Variants in USP9X observed in about 807,000 individuals in gnomAD.
The protein encoded by USP9X is ubiquitin specific peptidase 9 X-linked, also known as ubiquitin carboxyl-terminal hydrolase 9X.
USP9X carries 7 observed loss-of-function variants against 190.3 expected under a neutral mutation model. That is an observed-to-expected ratio of 0.04 (90% CI 0.02 to 0.07). The LOEUF is 0.07. Ranked by LOEUF, USP9X falls within the 10% of genes least tolerant of loss-of-function variation. The pLI, the probability that USP9X is intolerant of heterozygous loss-of-function variation, is 1.00. For synonymous variants in USP9X, 645 were observed against 659.5 expected (o/e 0.98, Z 0.34); for missense variants, 1,010 against 1,916.9 (o/e 0.53, Z 8.83).
intron 30 of USP9X, among the ~76,000 whole-genome samples, chrX:41,200,271 AC>A (rs2063030454): frequency 9.0e-6 from 1 of 111,294 alleles, no homozygotes; most frequent in African/African-American, 3.3e-5. Flanking sequence ...GGAGTATAGT[AC>A]AACGTTGTTT....
intron 1 of USP9X, among the ~76,000 whole-genome samples, chrX:41,116,224 T>C (rs754616383): frequency 8.9e-6 from 1 of 112,637 alleles, no homozygotes; most frequent in Admixed American, 9.4e-5. Context: ...TAATTTTGTT[T>C]TTATGAAATA....
In USP9X at chrX:41,136,909, C is replaced by T; in HGVS notation, c.541C>T (p.His181Tyr). 8.3e-7 allele frequency: 1 copy of T among 1,211,403 alleles called. No homozygotes were observed. Among genetic ancestry groups the T allele is most frequent in the Non-Finnish European group, 1.1e-6 (1 of 895,112 alleles). The change falls in exon 6 of 45, where the codon CAT (histidine) becomes TAT (tyrosine). Residue 181 changes from histidine to tyrosine, a missense_variant. His to Tyr is a moderately conservative substitution (Grantham distance 83). Around this residue, in one of 11 missense-constraint regions of USP9X, gnomAD observed 176 missense variants for 247.5 expected, o/e 0.71. Transcript: ENST00000378308. ...LELLAMALNP[H>Y]CKFHIYNGTR... ...ACTTCTTGCCATGGCCTTAAATCCT[C>T]ATTGCAAATTCCATATCTACAATGG...
In USP9X at chrX:41,123,730, A is replaced by C. The variant is rs774607347; in HGVS notation, c.96+6A>C. 8 of 1,203,340 alleles carry C rather than the reference A, an allele frequency of 6.6e-6. No individual in the cohort carries two copies. In the South Asian group the frequency reaches 1.2e-4, roughly 19 times the overall value. On this transcript the variant is annotated splice_donor_region_variant and intron_variant, in intron 2 of 44. Coordinates refer to ENST00000378308, the MANE Select transcript of USP9X (RefSeq NM_001039591.3). The stretch of plus-strand genomic sequence containing the variant: ...CCCCCCTCCAACAGAATCAGGTAGG[A>C]TGTTGAAGATACTAGTTAAAGCTAC...
At chrX:41,223,498 C>T (rs1170890469) in intron 39 of USP9X, 96 bp downstream of exon 39, 29 of 930,249 alleles carry the variant, frequency 3.1e-5, no homozygotes, top group Non-Finnish European at 4.3e-5. Context: ...AGTGCAATGG[C>T]GTGATCTCGG....
chrX:41,131,057 G>T (rs900605277), intron 3 of USP9X, among the ~76,000 whole-genome samples: 2 of 110,527 alleles, frequency 1.8e-5, no homozygotes, highest in Non-Finnish European at 3.8e-5. Flanking sequence ...AAAAAAGGGG[G>T]GTGGCGGGGC....
rs1362228367 is a variant in USP9X at position 41,170,169 on chromosome X, C to T, written c.2811C>T (p.Gly937=). The T allele has an allele frequency of 5.0e-6, 6 of 1,209,350 alleles. No individual in the cohort carries two copies. The highest frequency in any genetic ancestry group is 2.3e-4 in the Middle Eastern group (1 of 4,376). ...VAHTKIELFV[G]GELIDPADDR... Reference sequence around the variant, plus strand: ...ATACAAAAATTGAGCTCTTTGTGGGCGGTGAGCTGATAGATCCTGCAGATG... The same window carrying T: ...ATACAAAAATTGAGCTCTTTGTGGGTGGTGAGCTGATAGATCCTGCAGATG... Residue 937 remains glycine, a synonymous_variant, in exon 19 of 45, where the codon GGC becomes GGT. Transcript: ENST00000378308.
chrX:41,222,592 G>A (rs1490962024), intron 38 of USP9X, among the ~76,000 whole-genome samples: 1 of 111,439 alleles, frequency 9.0e-6, no homozygotes, highest in South Asian at 3.7e-4. Context: ...GGGTTGCAGT[G>A]TTGGTTAGTC....
Position 41,123,678 on chromosome X carries a change from G to C in USP9X, c.50G>C (p.Gly17Ala), listed in dbSNP as rs1369947669. The change falls in exon 2 of 45, where the codon GGC (glycine) becomes GCC (alanine). Residue 17 changes from glycine (G) to alanine (A), a missense_variant. Physicochemically the swap from Gly to Ala is moderately conservative, Grantham distance 60. Transcript: ENST00000378308. ...CCGGTCGGAGGGAATGACAACCAGG[G>C]CCAGGCTCCTGATGGACAGTCTCAG... ...GSPVGGNDNQ[G>A]QAPDGQSQPP... The C allele has an allele frequency of 8.3e-7, 1 of 1,211,877 alleles. No individual in the cohort carries two copies. Among genetic ancestry groups the C allele is most frequent in the South Asian group, 1.8e-5 (1 of 56,971 alleles).
chrX:41,089,160 A>AT (rs962147259), intron 1 of USP9X, among the ~76,000 whole-genome samples: 9 of 111,971 alleles, frequency 8.0e-5, no homozygotes, highest in African/African-American at 2.6e-4. Flanking sequence ...AAGAAAATGG[A>AT]TTTTTTTCTC....
At chrX:41,138,434 T>C (rs2062395120) in intron 6 of USP9X, among the ~76,000 whole-genome samples, 1 of 112,468 alleles carries the variant, frequency 8.9e-6, no homozygotes, top group Non-Finnish European at 1.9e-5. Flanking sequence ...CACTTTCGGA[T>C]ACTGTTTGTA....
intron 34 of USP9X, among the ~76,000 whole-genome samples, chrX:41,215,597 T>C (rs148999210): frequency 8.9e-6 from 1 of 112,817 alleles, no homozygotes; most frequent in Non-Finnish European, 1.9e-5. Flanking sequence ...CTTATTGTTA[T>C]TGTAGTTCTT....
chrX:41,125,716 TCTCGCGCACGCGCGCGCG>T (rs1418390148), intron 2 of USP9X, among the ~76,000 whole-genome samples: 1 of 100,734 alleles, frequency 9.9e-6, no homozygotes, highest in African/African-American at 4.0e-5. Flanking sequence ...TCTCTCTCTC[TCTCGCGCACGCGCGCGCG>T]CTCTCTCTCT....
chrX:41,096,091 G>A (rs2061989213), intron 1 of USP9X, among the ~76,000 whole-genome samples: 1 of 112,043 alleles, frequency 8.9e-6, no homozygotes, highest in Non-Finnish European at 1.9e-5. Flanking sequence ...GTCTGTTGAG[G>A]TCTGTTGAAA....
chrX:41,119,618 A>G (rs775559713), intron 1 of USP9X, among the ~76,000 whole-genome samples: 3 of 112,026 alleles, frequency 2.7e-5, no homozygotes, highest in Non-Finnish European at 3.8e-5. Flanking sequence ...TTTGAAGTAG[A>G]CAAGAATAAA....
In USP9X at chrX:41,223,118, A is replaced by G. The variant is rs930966095; in HGVS notation, c.6566-99A>G. On this transcript the variant is annotated intron_variant, in intron 38 of 44. Coordinates refer to ENST00000378308, the MANE Select transcript of USP9X (RefSeq NM_001039591.3). ...AAAAATTATAGACAAGATATTTTGT[A>G]TAACTACTTGTTTTATTCATGAAGC... 1.4e-5 allele frequency: 11 copies of G among 802,743 alleles called. No individual in the cohort carries two copies. The African/African-American group carries it at 1.7e-4, about 12-fold the overall frequency. 66.2% of individuals were successfully genotyped at this position (802,743 alleles called of 1,213,427 possible). A position where few individuals can be genotyped will look rare whatever the true frequency, so the allele number is the denominator to read the frequency against.
intron 1 of USP9X, among the ~76,000 whole-genome samples, chrX:41,101,620 GA>G (rs2062034883): frequency 9.1e-6 from 1 of 110,372 alleles, no homozygotes; most frequent in South Asian, 3.8e-4. Context: ...CTATAGCAAA[GA>G]TCGCACTACT....
At chrX:41,185,581 T>G (rs1301699243) in intron 23 of USP9X, among the ~76,000 whole-genome samples, 2 of 111,574 alleles carry the variant, frequency 1.8e-5, no homozygotes, top group Non-Finnish European at 3.8e-5. Context: ...TGATGTGTGT[T>G]ACGAATTTTC....
intron 31 of USP9X, 60 bp from the exon 32 acceptor site, chrX:41,205,243 C>T: frequency 1.1e-6 from 1 of 880,870 alleles, no homozygotes; most frequent in Non-Finnish European, 1.6e-6. Flanking sequence ...AACTGCTTGG[C>T]ATTTGTCTCA....
chrX:41,165,758 T>G (rs879138365), intron 15 of USP9X, 114 bp from the exon 16 acceptor site: 1 of 612,395 alleles, frequency 1.6e-6, no homozygotes, highest in East Asian at 3.6e-5. Context: ...ATGAATATCT[T>G]TTTATCTATA....
Sources: gnomAD v4.1 joint callset for allele counts (sites outside exome capture counted in the v4.1 genomes callset) on GRCh38, gnomAD v4.1.1 for gene constraint, gnomAD v4.1.1 regional missense constraint, MANE v1.5 for transcripts, NCBI Gene and HGNC (gene_info 2026-07-23, HGNC 2026-07-21) for gene names.